The following KLHL1 variants were observed in gnomAD, a reference collection of about 807,000 sequenced individuals.
KLHL1 encodes kelch like family member 1, also known as kelch-like protein 1.
KLHL1 carries 47 observed loss-of-function variants against 77.7 expected under a neutral mutation model. The observed-to-expected ratio is 0.60, with a 90% CI of 0.48 to 0.77. The LOEUF is 0.77. Among genes scored for constraint, KLHL1 ranks in the 30% least tolerant of loss-of-function variants. The pLI is 0.00. For missense variants in KLHL1, 925 were observed against 910.8 expected (o/e 1.02, Z -0.20); for synonymous variants, 360 against 325.2 (o/e 1.11, Z -1.15).
intron 1 of KLHL1, among the ~76,000 whole-genome samples, chr13:70,018,342 T>C (rs143927949): frequency 1.5e-3 from 222 of 152,310 alleles, no homozygotes; most frequent in Non-Finnish European, 2.7e-3. Context: ...AAGCTGAGAC[T>C]TGAACTCAAA....
chr13:70,055,406 A>G (rs1354966281), intron 1 of KLHL1, among the ~76,000 whole-genome samples: 1 of 152,178 alleles, frequency 6.6e-6, no homozygotes, highest in Non-Finnish European at 1.5e-5. Context: ...ACTGTCCTAC[A>G]AGAAATGCTA....
intron 10 of KLHL1, among the ~76,000 whole-genome samples, chr13:69,702,983 T>G (rs1041438841): frequency 6.6e-6 from 1 of 151,736 alleles, no homozygotes; most frequent in African/African-American, 2.4e-5. Flanking sequence ...ACAGCATCAA[T>G]GTATGCAAAC....
In KLHL1 at chr13:69,846,618, T is replaced by A. The variant is rs114003789; in HGVS notation, c.1228-7456A>T. On this transcript the variant is annotated intron_variant, in intron 5 of 10. Coordinates refer to ENST00000377844, the MANE Select transcript of KLHL1 (RefSeq NM_020866.3). ...CAAGTTCATTTTGGTTAGAAAAAAA[T>A]ATATATATGAATAAATACATTTGTT... 4.4e-3 allele frequency among the ~76,000 whole-genome samples: 674 copies of A among 151,530 alleles called. 7 individuals carry two copies. Among genetic ancestry groups the A allele is most frequent in the African/African-American group, 0.014 (581 of 41,446 alleles).
At chr13:69,724,752 C>A (rs74090420) in intron 8 of KLHL1, among the ~76,000 whole-genome samples, 76 of 152,160 alleles carry the variant, frequency 5.0e-4, no homozygotes, top group African/African-American at 1.6e-3. Context: ...ACATGATCAT[C>A]TCAATAGATG....
At chr13:69,954,578 T>G (rs1169157437) in intron 3 of KLHL1, among the ~76,000 whole-genome samples, 1 of 151,296 alleles carries the variant, frequency 6.6e-6, no homozygotes, top group Non-Finnish European at 1.5e-5. Flanking sequence ...TAACTGTGAC[T>G]TACACTGTGG....
At chr13:70,101,295 T>C (rs1887914631) in intron 1 of KLHL1, among the ~76,000 whole-genome samples, 1 of 152,142 alleles carries the variant, frequency 6.6e-6, no homozygotes, top group Non-Finnish European at 1.5e-5. Context: ...TTCATTGTTG[T>C]AATTTAAAAA....
intron 9 of KLHL1, among the ~76,000 whole-genome samples, chr13:69,714,679 A>G (rs56347846): frequency 0.086 from 13,021 of 151,550 alleles, 742 homozygotes; most frequent in African/African-American, 0.16. Flanking sequence ...TGCAGCCTCA[A>G]CCTCCCCAGG....
intron 5 of KLHL1, among the ~76,000 whole-genome samples, chr13:69,872,079 G>A (rs1053644142): frequency 2.0e-5 from 3 of 152,086 alleles, no homozygotes; most frequent in African/African-American, 7.2e-5. Context: ...AATTTATAAT[G>A]AAAACAAGTT....
At chr13:70,090,220 A>G (rs575000567) in intron 1 of KLHL1, among the ~76,000 whole-genome samples, 1 of 152,150 alleles carries the variant, frequency 6.6e-6, no homozygotes, top group Non-Finnish European at 1.5e-5. Flanking sequence ...CATATCAAAC[A>G]GTAACTAATT....
intron 1 of KLHL1, among the ~76,000 whole-genome samples, chr13:70,067,250 C>T (rs1295354927): frequency 6.6e-6 from 1 of 152,194 alleles, no homozygotes; most frequent in East Asian, 1.9e-4. Flanking sequence ...TGAAAGTACC[C>T]TCTACTCATT....
At chr13:69,900,171 G>T (rs545254603) in intron 4 of KLHL1, among the ~76,000 whole-genome samples, 1 of 151,960 alleles carries the variant, frequency 6.6e-6, no homozygotes, top group African/African-American at 2.4e-5. Flanking sequence ...CAATAACATC[G>T]AATTGCCTAT....
chr13:69,806,125 T>G (rs1877606385), intron 6 of KLHL1, among the ~76,000 whole-genome samples: 1 of 152,166 alleles, frequency 6.6e-6, no homozygotes, highest in Non-Finnish European at 1.5e-5. Flanking sequence ...GGAAAACATC[T>G]TATTATATAA....
intron 1 of KLHL1, among the ~76,000 whole-genome samples, chr13:70,009,343 T>A (rs1471507369): frequency 6.6e-6 from 1 of 152,132 alleles, no homozygotes; most frequent in East Asian, 1.9e-4. Flanking sequence ...ATGAACTGTG[T>A]TTTAAGAAAA....
chr13:69,761,221 T>G, intron 7 of KLHL1, among the ~76,000 whole-genome samples: 1 of 152,182 alleles, frequency 6.6e-6, no homozygotes, highest in Non-Finnish European at 1.5e-5. Flanking sequence ...CATGGTCAGA[T>G]AATATTTGTA....
chr13:70,107,274 C>T lies in KLHL1; in HGVS notation c.426G>A (p.Gly142=). The T allele has an allele frequency of 2.5e-6, 4 of 1,614,130 alleles. No individual in the cohort carries two copies. Among genetic ancestry groups the T allele is most frequent in the Non-Finnish European group, 2.5e-6 (3 of 1,180,014 alleles). ...CCACTTTGAGCTCTTGCAGAACCAG[C>T]CCTTTTTCGTGTGGTCCAGGAAAGT... ...GMDFPGPHEK[G]LVLQELKVEP... is the part of the protein sequence containing the mutation. Residue 142 remains glycine (G), a synonymous_variant, in exon 1 of 11, where the codon GGG becomes GGA. Coordinates refer to ENST00000377844, the MANE Select transcript of KLHL1 (RefSeq NM_020866.3).
At position 69,879,728 on chromosome 13, in the gene KLHL1, C is replaced by A. The variant is rs145333209; in HGVS notation, c.1227+2555G>T. Among the ~76,000 whole-genome samples, 905 of 152,114 alleles carry A rather than the reference C, an allele frequency of 5.9e-3. 8 individuals are homozygous for A. Among genetic ancestry groups the A allele is most frequent in the African/African-American group, 0.02 (840 of 41,462 alleles). On this transcript the variant is annotated intron_variant, in intron 5 of 10. Coordinates refer to ENST00000377844, the MANE Select transcript of KLHL1 (RefSeq NM_020866.3). ...GACATTGAGGCAAATATGAAACCAACCCTAAATAAAAAATTGTACTCTTTT... is the reference window on the plus strand; with the variant it reads ...GACATTGAGGCAAATATGAAACCAAACCTAAATAAAAAATTGTACTCTTTT...
At chr13:69,886,326 G>T (rs1264534166) in intron 4 of KLHL1, among the ~76,000 whole-genome samples, 3 of 151,508 alleles carry the variant, frequency 2.0e-5, no homozygotes, top group East Asian at 3.9e-4. Context: ...AATTTTTCTA[G>T]CTAAAACAAT....
intron 1 of KLHL1, among the ~76,000 whole-genome samples, chr13:70,095,136 T>C (rs943879328): frequency 2.0e-5 from 3 of 152,172 alleles, no homozygotes; most frequent in South Asian, 2.1e-4. Flanking sequence ...GCTTCAGTCA[T>C]TGATCTACCC....
chr13:70,084,772 G>T (rs931773594), intron 1 of KLHL1, among the ~76,000 whole-genome samples: 2 of 151,232 alleles, frequency 1.3e-5, no homozygotes, highest in Admixed American at 1.3e-4. Context: ...ACTGCGCCGG[G>T]CCGTCTATTT....
Sources: allele counts gnomAD v4.1 joint callset (sites outside exome capture counted in the v4.1 genomes callset), GRCh38; gene constraint gnomAD v4.1.1; transcripts MANE v1.5; gene names NCBI Gene and HGNC (gene_info 2026-07-23, HGNC 2026-07-21).